The following MINDY4 variants were observed in gnomAD, a reference collection of about 807,000 sequenced individuals.
The protein encoded by MINDY4 is probable ubiquitin carboxyl-terminal hydrolase MINDY-4.
MINDY4 carries 68 observed loss-of-function variants against 87.0 expected under a neutral mutation model. The ratio of observed to expected loss-of-function variants is 0.78; its 90% CI spans 0.64 to 0.96. MINDY4 has a LOEUF of 0.96. Ranked by LOEUF, MINDY4 falls within the 40% of genes least tolerant of loss-of-function variation. MINDY4 has a pLI of 0.00. For synonymous variants in MINDY4, 379 were observed against 363.2 expected, an observed-to-expected ratio of 1.04 and a Z score of -0.50; for missense variants, 919 against 928.2, an observed-to-expected ratio of 0.99 and a Z score of 0.13.
At chr7:30,850,715 C>T (rs1303144734) in intron 10 of MINDY4, among the ~76,000 whole-genome samples, 160 bp downstream of exon 10, 1 of 152,238 alleles carries the variant, frequency 6.6e-6, no homozygotes. Flanking sequence ...TGAGCAGCCG[C>T]AGACTCAGGG....
intron 6 of MINDY4, 96 bp from the exon 7 acceptor site, chr7:30,836,562 C>T (rs770294488): frequency 3.0e-6 from 3 of 1,005,436 alleles, no homozygotes; most frequent in Admixed American, 3.8e-5. Context: ...CTCAAACCTT[C>T]TACAAACTTA....
At chr7:30,807,819 C>T (rs530354785) in intron 5 of MINDY4, among the ~76,000 whole-genome samples, 33 of 152,324 alleles carry the variant, frequency 2.2e-4, no homozygotes, top group African/African-American at 6.3e-4. Context: ...CAGTTGATCA[C>T]GACCCTCTCA....
chr7:30,860,019 G>C (rs543005463), intron 13 of MINDY4, among the ~76,000 whole-genome samples: 1 of 152,146 alleles, frequency 6.6e-6, no homozygotes. Flanking sequence ...GATTAATAGC[G>C]CATGAACGGT....
intron 16 of MINDY4, 113 bp from the exon 17 acceptor site, chr7:30,882,808 G>C: frequency 1.1e-6 from 1 of 874,300 alleles, no homozygotes; most frequent in East Asian, 2.5e-5. Context: ...AGTTGAGATG[G>C]AGAGGAGGGG....
intron 9 of MINDY4, among the ~76,000 whole-genome samples, chr7:30,843,317 G>C (rs1789098708): frequency 6.6e-6 from 1 of 152,230 alleles, no homozygotes; most frequent in Admixed American, 6.5e-5. Context: ...GCAGCATTTG[G>C]AGGAGGAGGG....
In MINDY4 at chr7:30,808,811, C is replaced by A. The variant is rs111930854; in HGVS notation, c.1073+17237C>A. 5.9e-5 allele frequency among the ~76,000 whole-genome samples: 9 copies of A among 152,078 alleles called. 2 individuals carry two copies. The highest frequency in any genetic ancestry group is 2.2e-4 in the African/African-American group (9 of 41,494). On this transcript the variant is annotated intron_variant, in intron 5 of 17. Coordinates refer to ENST00000265299, the MANE Select transcript of MINDY4 (RefSeq NM_032222.3). ...GTTACAGCTGGTTTTAGAGCCCCGT[C>A]GTCGGCCCTCCCCACCCCGCACAAT...
At chr7:30,839,491 A>G (rs1788968284) in intron 8 of MINDY4, among the ~76,000 whole-genome samples, 175 bp downstream of exon 8, 1 of 152,242 alleles carries the variant, frequency 6.6e-6, no homozygotes, top group African/African-American at 2.4e-5. Flanking sequence ...TGGCTGGTGC[A>G]GCAAGAGCTG....
At chr7:30,891,811 T>C in intron 17 of MINDY4, 146 bp from the exon 18 acceptor site, 3 of 777,306 alleles carry the variant, frequency 3.9e-6, no homozygotes, top group Non-Finnish European at 6.8e-6. Context: ...TTGTGTGAAT[T>C]TGGAGGGGTG....
chr7:30,827,571 T>G (rs1468707607), intron 5 of MINDY4, among the ~76,000 whole-genome samples: 2 of 152,166 alleles, frequency 1.3e-5, no homozygotes, highest in Non-Finnish European at 2.9e-5. Flanking sequence ...CTGGTGGTGT[T>G]GGGCAGAGGG....
chr7:30,817,802 A>G (rs2128559908), intron 5 of MINDY4, among the ~76,000 whole-genome samples: 1 of 152,332 alleles, frequency 6.6e-6, no homozygotes, highest in South Asian at 2.1e-4. Context: ...ATGTCTGTCC[A>G]TGTCTGAACA....
At chr7:30,887,943 C>T (rs966887148) in intron 17 of MINDY4, among the ~76,000 whole-genome samples, 3 of 152,248 alleles carry the variant, frequency 2.0e-5, no homozygotes, top group South Asian at 2.1e-4. Context: ...GGCTGGAGCA[C>T]GGGAACGGAA....
At chr7:30,846,201 CT>C (rs1211535261) in intron 9 of MINDY4, among the ~76,000 whole-genome samples, 2 of 152,162 alleles carry the variant, frequency 1.3e-5, no homozygotes, top group Admixed American at 6.5e-5. Context: ...TTTCTACCCC[CT>C]ATTGCAGCTT....
intron 5 of MINDY4, among the ~76,000 whole-genome samples, chr7:30,810,623 C>G (rs1021771846): frequency 1.1e-4 from 17 of 152,088 alleles, no homozygotes; most frequent in Non-Finnish European, 2.5e-4. Flanking sequence ...CTAACCTGCT[C>G]TATAACAAAG....
At chr7:30,774,406 C>G (rs1253905575) in intron 1 of MINDY4, among the ~76,000 whole-genome samples, 1 of 152,188 alleles carries the variant, frequency 6.6e-6, no homozygotes, top group Admixed American at 6.5e-5. Flanking sequence ...CTGTCTCCTG[C>G]ACCATGCATT....
At chr7:30,811,177 C>T (rs1007684627) in intron 5 of MINDY4, among the ~76,000 whole-genome samples, 2 of 151,908 alleles carry the variant, frequency 1.3e-5, no homozygotes, top group African/African-American at 4.8e-5. Context: ...GGACTCATCA[C>T]ACCCAAGTCA....
rs1339173402 is a variant in MINDY4, at chr7:30,785,795, A to G, written c.466A>G (p.Lys156Glu). The G allele has an allele frequency of 6.2e-7, 1 of 1,614,156 alleles. No homozygotes were observed. Among genetic ancestry groups the G allele is most frequent in the Non-Finnish European group, 8.5e-7 (1 of 1,179,992 alleles). Residue 156 changes from lysine (K) to glutamate (E), a missense_variant, in exon 4 of 18, where the codon AAA becomes GAA. Lys to Glu is a moderately conservative substitution (Grantham distance 56, BLOSUM62 1). Coordinates refer to ENST00000265299, the MANE Select transcript of MINDY4 (RefSeq NM_032222.3). ...GDVLGNFVSSKRPPHKSKPMQ... is the reference protein window; with the variant it reads ...GDVLGNFVSSERPPHKSKPMQ... The stretch of plus-strand genomic sequence containing the variant: ...TGTACTTGGTAATTTTGTATCATCT[A>G]AAAGGCCCCCGCACAAAAGTAAGCC...
rs1264851216 is a variant in MINDY4, at chr7:30,882,991, C to G, written c.2223C>G (p.Thr741=). The change falls in exon 17 of 18, where the codon ACC becomes ACG. Residue 741 remains threonine (T), a splice_region_variant and synonymous_variant. Coordinates refer to ENST00000265299, the MANE Select transcript of MINDY4 (RefSeq NM_032222.3). ...LVPPLELCIR[T]KWKGASVNWN... ...CACCCCTCGAGCTCTGCATCAGAAC[C>G]AAGTGAGTCAAGCCCCTCTCTGGCT... is the stretch of plus-strand genomic sequence containing the variant. The G allele has an allele frequency of 6.2e-7, 1 of 1,613,834 alleles. No homozygotes were observed. The highest frequency in any genetic ancestry group is 1.3e-5 in the African/African-American group (1 of 75,020).
chr7:30,824,479 G>C (rs1788436505), intron 5 of MINDY4, among the ~76,000 whole-genome samples: 1 of 152,144 alleles, frequency 6.6e-6, no homozygotes, highest in Non-Finnish European at 1.5e-5. Flanking sequence ...TAAGTGATCA[G>C]TATCTTTATT....
At chr7:30,875,895 C>T (rs770291568) in intron 15 of MINDY4, among the ~76,000 whole-genome samples, 16 of 152,180 alleles carry the variant, frequency 1.1e-4, no homozygotes, top group Non-Finnish European at 1.9e-4. Context: ...AAAAGGACTT[C>T]GAGGGATTTC....
Sources: gnomAD v4.1 joint callset for allele counts (sites outside exome capture counted in the v4.1 genomes callset) on GRCh38, gnomAD v4.1.1 for gene constraint, MANE v1.5 for transcripts, NCBI Gene and HGNC (gene_info 2026-07-23, HGNC 2026-07-21) for gene names.